The following CYTH1 variants were observed in gnomAD, a reference collection of about 807,000 sequenced individuals.
CYTH1 encodes cytohesin 1.
Under a neutral mutation model 61.8 loss-of-function variants are expected in CYTH1, and 18 were observed. That is an observed-to-expected ratio of 0.29 (90% CI 0.20 to 0.43). CYTH1 has a LOEUF of 0.43. Ranked by LOEUF, CYTH1 falls within the 20% of genes least tolerant of loss-of-function variation. CYTH1 has a pLI of 1.00. For missense variants in CYTH1, 336 were observed against 510.5 expected (o/e 0.66, Z 3.29); for synonymous variants, 174 against 184.3 (o/e 0.94, Z 0.45).
At chr17:78,680,121 A>T in intron 13 of CYTH1, 69 bp downstream of exon 13, 1 of 1,582,548 alleles carries the variant, frequency 6.3e-7, no homozygotes. Context: ...TTAACCACTA[A>T]GATGATCAAC....
intron 1 of CYTH1, chr17:78,736,647 C>T: frequency 6.0e-6 from 2 of 333,628 alleles, no homozygotes; most frequent in Non-Finnish European, 1.3e-5. Flanking sequence ...CTCCATATAC[C>T]CCAAGCCGCA....
chr17:78,714,861 G>C (rs1301788538), intron 1 of CYTH1, among the ~76,000 whole-genome samples: 1 of 150,546 alleles, frequency 6.6e-6, no homozygotes, highest in Non-Finnish European at 1.5e-5. Context: ...TAATTAGGGG[G>C]AAAAAAGAAA....
chr17:78,747,482 G>T (rs2093364155), intron 1 of CYTH1, among the ~76,000 whole-genome samples: 2 of 152,092 alleles, frequency 1.3e-5, no homozygotes, highest in South Asian at 4.1e-4. Context: ...AGTGATTTTA[G>T]CATGTTCACA....
intron 1 of CYTH1, among the ~76,000 whole-genome samples, chr17:78,777,252 T>A (rs997695154): frequency 6.6e-6 from 1 of 151,824 alleles, no homozygotes; most frequent in Admixed American, 6.6e-5. Context: ...ACGCCGTCTC[T>A]ACTAAAAATA....
intron 1 of CYTH1, among the ~76,000 whole-genome samples, chr17:78,722,434 G>GA (rs1334295158): frequency 6.6e-6 from 1 of 152,102 alleles, no homozygotes; most frequent in Non-Finnish European, 1.5e-5. Flanking sequence ...CACTCCCAGG[G>GA]AAAGCCTGGA....
chr17:78,686,350 A>G (rs1281110395), intron 11 of CYTH1, among the ~76,000 whole-genome samples: 2 of 152,156 alleles, frequency 1.3e-5, no homozygotes, highest in Non-Finnish European at 2.9e-5. Flanking sequence ...AGTATATGCT[A>G]TTGCTTGGGT....
intron 1 of CYTH1, among the ~76,000 whole-genome samples, chr17:78,766,825 G>C (rs935591926): frequency 2.0e-5 from 3 of 152,154 alleles, no homozygotes; most frequent in African/African-American, 7.2e-5. Context: ...AATGAAGAGG[G>C]GGGTGTGAAT....
At chr17:78,759,851 C>T (rs2093415127) in intron 1 of CYTH1, among the ~76,000 whole-genome samples, 1 of 152,188 alleles carries the variant, frequency 6.6e-6, no homozygotes, top group Non-Finnish European at 1.5e-5. Context: ...CAGAGCCTGC[C>T]TGTGTGATGT....
intron 1 of CYTH1, among the ~76,000 whole-genome samples, chr17:78,769,256 C>G (rs1218946978): frequency 6.6e-6 from 1 of 152,004 alleles, no homozygotes; most frequent in African/African-American, 2.4e-5. Context: ...TGAAGCCCCC[C>G]ATAACTGTCC....
intron 1 of CYTH1, among the ~76,000 whole-genome samples, chr17:78,771,744 A>G (rs1453338478): frequency 6.6e-6 from 1 of 151,836 alleles, no homozygotes; most frequent in Non-Finnish European, 1.5e-5. Flanking sequence ...AAAAAAAAAA[A>G]AAGAAAGAAA....
At position 78,709,698 on chromosome 17, in the gene CYTH1, T is replaced by C; in HGVS notation, c.57A>G (p.Glu19=). ...PSDLTAEERQ[E]LENIRRRKQE... is the part of the protein sequence containing the mutation. The stretch of plus-strand genomic sequence containing the variant: ...GTTTTCTCCGTCGGATGTTCTCCAG[T>C]TCTTGACGCTCCTCTGCTGTCAGGT... The change falls in exon 2 of 14, where the codon GAA becomes GAG. Residue 19 remains glutamate (E), a synonymous_variant. Coordinates refer to ENST00000446868, the MANE Select transcript of CYTH1 (RefSeq NM_004762.6). The C allele has an allele frequency of 6.2e-7, 1 of 1,614,226 alleles. No individual in the cohort carries two copies.
At chr17:78,746,707 C>T (rs986793739) in intron 1 of CYTH1, among the ~76,000 whole-genome samples, 16 of 152,062 alleles carry the variant, frequency 1.1e-4, no homozygotes, top group East Asian at 3.9e-4. Context: ...TTTGGAAGGC[C>T]GAGGTGAGAG....
At chr17:78,702,041 T>A in intron 5 of CYTH1, 81 bp downstream of exon 5, 1 of 1,211,716 alleles carries the variant, frequency 8.3e-7, no homozygotes, top group Non-Finnish European at 1.2e-6. Context: ...CTCCAAGAAC[T>A]TCAGAGTATT....
In CYTH1 at chr17:78,781,602, G is replaced by A. The variant is rs549305689; in HGVS notation, c.22+600C>T. ...GACTCCCGCGGGCAGGGCCGTCCCG[G>A]AGCCCGCGCCTCGCCGGCGGCGCCG... On this transcript the variant is annotated intron_variant, in intron 1 of 13. Transcript: ENST00000446868. Among the ~76,000 whole-genome samples, 689 of 152,188 alleles carry A rather than the reference G, an allele frequency of 4.5e-3. 5 individuals are homozygous for A. The highest frequency in any genetic ancestry group is 0.016 in the African/African-American group (644 of 41,548).
chr17:78,695,311 TTAATACCC>T (rs2092927528), intron 10 of CYTH1, among the ~76,000 whole-genome samples: 1 of 152,204 alleles, frequency 6.6e-6, no homozygotes, highest in Non-Finnish European at 1.5e-5. Flanking sequence ...GCCGAGGCTG[TTAATACCC>T]TTCTCTGATC....
At chr17:78,776,186 G>C (rs2093490239) in intron 1 of CYTH1, among the ~76,000 whole-genome samples, 1 of 152,000 alleles carries the variant, frequency 6.6e-6, no homozygotes, top group African/African-American at 2.4e-5. Flanking sequence ...TGCTTAAAAA[G>C]GAAGTTCATA....
At chr17:78,726,611 G>A (rs1421974467) in intron 1 of CYTH1, among the ~76,000 whole-genome samples, 1 of 152,160 alleles carries the variant, frequency 6.6e-6, no homozygotes, top group African/African-American at 2.4e-5. Context: ...CCACGCGAGA[G>A]CCTGGGAGAG....
chr17:78,715,693 T>C (rs2093174879), intron 1 of CYTH1, among the ~76,000 whole-genome samples: 2 of 152,138 alleles, frequency 1.3e-5, no homozygotes, highest in African/African-American at 2.4e-5. Flanking sequence ...AAATGAAACA[T>C]GCCCCCCGAG....
intron 1 of CYTH1, among the ~76,000 whole-genome samples, chr17:78,765,020 G>A (rs1170168997): frequency 6.6e-6 from 1 of 152,150 alleles, no homozygotes; most frequent in African/African-American, 2.4e-5. Context: ...CTTGTCGAGA[G>A]AGTGCGGGAA....
Sources: gnomAD v4.1 joint callset for allele counts (sites outside exome capture counted in the v4.1 genomes callset) on GRCh38, gnomAD v4.1.1 for gene constraint, MANE v1.5 for transcripts, NCBI Gene and HGNC (gene_info 2026-07-23, HGNC 2026-07-21) for gene names.